The following BCAS1 variants were observed in gnomAD, a reference collection of about 807,000 sequenced individuals.
BCAS1 encodes breast carcinoma-amplified sequence 1.
In BCAS1, 46 loss-of-function variants were observed where a neutral mutation model predicts 65.4. The ratio of observed to expected loss-of-function variants is 0.70; its 90% CI spans 0.55 to 0.90. The LOEUF (loss-of-function observed/expected upper bound fraction) is 0.90. Among genes scored for constraint, BCAS1 ranks in the 40% least tolerant of loss-of-function variants. The probability of loss-of-function intolerance (pLI) is 0.00; values close to 1 mark genes in which losing one functional copy is unlikely to be tolerated. For missense variants in BCAS1, 793 were observed against 771.2 expected (o/e 1.03, Z -0.33); for synonymous variants, 298 against 293.5 (o/e 1.02, Z -0.16).
At chr20:54,011,989 C>A (rs922043813) in intron 4 of BCAS1, among the ~76,000 whole-genome samples, 1 of 152,134 alleles carries the variant, frequency 6.6e-6, no homozygotes, top group African/African-American at 2.4e-5. Context: ...AAGTTATTTA[C>A]AATAGCCTCA....
At chr20:53,993,467 G>A (rs6013861) in intron 6 of BCAS1, among the ~76,000 whole-genome samples, 2 of 152,000 alleles carry the variant, frequency 1.3e-5, no homozygotes, top group Non-Finnish European at 2.9e-5. Context: ...CACAAAACCC[G>A]CTTTTGAGAC....
intron 9 of BCAS1, among the ~76,000 whole-genome samples, chr20:53,972,150 A>G: frequency 6.6e-6 from 1 of 152,234 alleles, no homozygotes; most frequent in Non-Finnish European, 1.5e-5. Context: ...AAACTCAACC[A>G]CATTTTAGCC....
intron 3 of BCAS1, among the ~76,000 whole-genome samples, chr20:54,047,025 T>C (rs1433719185): frequency 2.0e-5 from 3 of 152,266 alleles, no homozygotes; most frequent in Admixed American, 6.5e-5. Context: ...TCCTTCCTCA[T>C]ACGGCATCTA....
chr20:53,950,120 G>T (rs1361739074), intron 12 of BCAS1, among the ~76,000 whole-genome samples: 1 of 143,018 alleles, frequency 7.0e-6, no homozygotes, highest in African/African-American at 2.6e-5. Flanking sequence ...GCTCAGATAG[G>T]ATTATGTCTG....
intron 1 of BCAS1, among the ~76,000 whole-genome samples, chr20:54,068,652 G>A (rs2092475052): frequency 3.3e-5 from 5 of 152,154 alleles, no homozygotes; most frequent in Non-Finnish European, 2.9e-5. Flanking sequence ...CTCCATGAGG[G>A]TAGGCACCTT....
chr20:53,961,092 C>T (rs531617500), intron 10 of BCAS1, among the ~76,000 whole-genome samples: 3 of 152,272 alleles, frequency 2.0e-5, no homozygotes, highest in African/African-American at 7.2e-5. Context: ...TTAATGAAAT[C>T]ATTTTTTATT....
intron 4 of BCAS1, among the ~76,000 whole-genome samples, chr20:53,996,703 T>C (rs1293439720): frequency 1.3e-5 from 2 of 152,108 alleles, no homozygotes; most frequent in African/African-American, 4.8e-5. Flanking sequence ...GCAACAGCCC[T>C]GGCCTTGTCT....
At chr20:54,032,743 G>T (rs1218536934) in intron 3 of BCAS1, among the ~76,000 whole-genome samples, 2 of 151,244 alleles carry the variant, frequency 1.3e-5, no homozygotes, top group Non-Finnish European at 3.0e-5. Context: ...ATTGCATAAG[G>T]ATAAAGTGTT....
chr20:53,996,032 C>A lies in BCAS1; in HGVS notation c.742G>T (p.Glu248Ter). The A allele has an allele frequency of 6.2e-7, 1 of 1,604,386 alleles. No individual in the cohort carries two copies. Among genetic ancestry groups the A allele is most frequent in the African/African-American group, 1.3e-5 (1 of 74,570 alleles). The change falls in exon 5 of 13, where the codon GAA (glutamate) becomes TAA (stop). Residue 248 changes from glutamate (E) to a stop codon, truncating the protein, a stop_gained. Transcript: ENST00000688948. LOFTEE classifies it high-confidence loss of function. ...GTTCCAAGTTCTTGTCCTTCTTTTT[C>A]CTTGCCGTCAACTATGTCCTAGGGG... ...PAGKDIVDGKEKEGQELGTAD... is the reference protein window; with the variant it reads ...PAGKDIVDGK
At chr20:54,055,968 T>G (rs991463849) in intron 3 of BCAS1, among the ~76,000 whole-genome samples, 1 of 152,134 alleles carries the variant, frequency 6.6e-6, no homozygotes. Context: ...TGATCTCACT[T>G]TTATGTGGAA....
chr20:54,034,329 G>C lies in BCAS1; in HGVS notation c.143-5357C>G, dbSNP rs374137388. ...AATAAAGCGCATCCAAATAGGAAGAGAGGAAGTCAAACTATCCTTGTTTGC... is the reference window on the plus strand; with the variant it reads ...AATAAAGCGCATCCAAATAGGAAGACAGGAAGTCAAACTATCCTTGTTTGC... On this transcript the variant is annotated intron_variant, in intron 3 of 12. Coordinates refer to ENST00000688948, the MANE Select transcript of BCAS1 (RefSeq NM_001366298.2). Among the ~76,000 whole-genome samples, 21 of 151,472 alleles carry C rather than the reference G, an allele frequency of 1.4e-4. 1 individual carries two copies. The highest frequency in any genetic ancestry group is 9.6e-4 in the East Asian group (5 of 5,192).
Position 53,944,739 on chromosome 20 carries a change from A to C in BCAS1, c.*183T>G. 5 of 636,948 alleles carry C rather than the reference A, an allele frequency of 7.8e-6. No homozygotes were observed. Among genetic ancestry groups the C allele is most frequent in the Non-Finnish European group, 1.1e-5 (4 of 355,714 alleles). The allele number at this position is 636,948 out of a possible 1,614,324, so 39.5% of individuals were successfully genotyped here. ...CATCTTTACTGTTATTTGCCAGAAA[A>C]GACTGGACCAGAGACGTAAATAATA... On this transcript the variant is annotated 3_prime_UTR_variant, in exon 13 of 13. Transcript: ENST00000688948.
intron 6 of BCAS1, 135 bp downstream of exon 6, chr20:53,994,877 T>C (rs1198873502): frequency 1.8e-6 from 1 of 549,246 alleles, no homozygotes; most frequent in East Asian, 4.5e-5. Flanking sequence ...GCTAATTATA[T>C]ATAGATATGA....
intron 4 of BCAS1, among the ~76,000 whole-genome samples, chr20:54,027,736 A>G (rs942757628): frequency 3.3e-5 from 5 of 152,070 alleles, no homozygotes; most frequent in Non-Finnish European, 7.4e-5. Context: ...TTCTTCGCTC[A>G]GGAAAAAAAG....
At chr20:53,967,900 T>C (rs899785378) in intron 9 of BCAS1, among the ~76,000 whole-genome samples, 5 of 152,186 alleles carry the variant, frequency 3.3e-5, no homozygotes, top group African/African-American at 1.2e-4. Flanking sequence ...ACAGAGTGAA[T>C]TGGCCAGGAG....
At position 54,018,419 on chromosome 20, in the gene BCAS1, C is replaced by G. The variant is rs1029104982; in HGVS notation, c.723+9973G>C. ...CCACTTACTTTTTTTTTTTTTTTTTCGAGACAGAGTCTCGCTCTGTCATTC... is the reference window on the plus strand; with the variant it reads ...CCACTTACTTTTTTTTTTTTTTTTTGGAGACAGAGTCTCGCTCTGTCATTC... On this transcript the variant is annotated intron_variant, in intron 4 of 12. Transcript: ENST00000688948. Among the ~76,000 whole-genome samples the G allele has an allele frequency of 4.8e-3, 444 of 92,338 alleles. 2 individuals carry two copies. Among genetic ancestry groups the G allele is most frequent in the African/African-American group, 0.017 (426 of 24,902 alleles). The allele number at this position is 92,338 out of a possible 152,430, so 60.6% of individuals were successfully genotyped here.
chr20:53,959,506 G>C (rs929957176), intron 10 of BCAS1, among the ~76,000 whole-genome samples: 1 of 152,032 alleles, frequency 6.6e-6, no homozygotes, highest in Non-Finnish European at 1.5e-5. Context: ...CACCCGCCTC[G>C]GCCTCCCAAA....
chr20:53,967,081 A>AT lies in BCAS1; in HGVS notation c.1318-9dup. 6.3e-7 allele frequency: 1 copy of AT among 1,598,264 alleles called. No homozygotes were observed. Among genetic ancestry groups the AT allele is most frequent in the Non-Finnish European group, 8.5e-7 (1 of 1,175,088 alleles). On this transcript the variant is annotated splice_polypyrimidine_tract_variant and intron_variant, in intron 9 of 12. Coordinates refer to ENST00000688948, the MANE Select transcript of BCAS1 (RefSeq NM_001366298.2). The stretch of plus-strand genomic sequence containing the variant: ...TGGTGACTCACACACCACCTGGATT[A>AT]TTTTGCCAGGTAATAAGAAAATGAA...
chr20:53,952,949 G>A (rs368771835), intron 12 of BCAS1, among the ~76,000 whole-genome samples: 18 of 152,196 alleles, frequency 1.2e-4, no homozygotes, highest in South Asian at 2.1e-4. Context: ...TTTTTAACAC[G>A]TCAAATTGGT....
Sources: allele counts gnomAD v4.1 joint callset (sites outside exome capture counted in the v4.1 genomes callset), GRCh38; gene constraint gnomAD v4.1.1; transcripts MANE v1.5; gene names NCBI Gene and HGNC (gene_info 2026-07-23, HGNC 2026-07-21).